SCOC: variants seen among roughly 807,000 people sequenced by gnomAD.
SCOC encodes short coiled-coil protein.
SCOC carries 7 observed loss-of-function variants against 9.9 expected under a neutral mutation model. The observed-to-expected ratio is 0.71, with a 90% confidence interval of 0.40 to 1.33. SCOC has a LOEUF of 1.33. Among genes scored for constraint, SCOC ranks in the 40% most tolerant of loss-of-function variants. SCOC has a pLI of 0.01. For synonymous variants in SCOC, 19 were observed against 28.2 expected, an observed-to-expected ratio of 0.67 and a Z score of 1.03; for missense variants, 66 against 89.7, an observed-to-expected ratio of 0.74 and a Z score of 1.07.
At chr4:140,287,629 C>G (rs931642260) in intron 1 of SCOC, among the ~76,000 whole-genome samples, 2 of 152,176 alleles carry the variant, frequency 1.3e-5, no homozygotes, top group Non-Finnish European at 2.9e-5. Context: ...CATGCATATG[C>G]ACATGCCACA....
chr4:140,373,527 C>T (rs1210653967), upstream of SCOC: 6 of 1,551,544 alleles, frequency 3.9e-6, no homozygotes, highest in East Asian at 9.8e-5. Context: ...TGGGGTGAGG[C>T]GGGCAGCTAA....
intron 1 of SCOC, among the ~76,000 whole-genome samples, chr4:140,294,708 A>G (rs772968187): frequency 1.3e-5 from 2 of 152,298 alleles, no homozygotes; most frequent in Non-Finnish European, 2.9e-5. Context: ...TGGGATTTCA[A>G]GGTTAGAAAG....
intron 1 of SCOC, among the ~76,000 whole-genome samples, chr4:140,298,483 T>G (rs1472156487): frequency 6.6e-6 from 1 of 152,256 alleles, no homozygotes; most frequent in Non-Finnish European, 1.5e-5. Flanking sequence ...TCCTTCCTTC[T>G]GCAGGCAGAA....
intron 1 of SCOC, among the ~76,000 whole-genome samples, chr4:140,260,142 A>G (rs963365733): frequency 6.6e-6 from 1 of 152,206 alleles, no homozygotes; most frequent in Admixed American, 6.5e-5. Context: ...CCTAACTTTC[A>G]TATGCATACC....
chr4:140,270,465 C>T (rs1206555484), intron 1 of SCOC, among the ~76,000 whole-genome samples: 1 of 152,150 alleles, frequency 6.6e-6, no homozygotes, highest in Non-Finnish European at 1.5e-5. Context: ...TCCCTAGTAG[C>T]TGGGACTGCA....
chr4:140,367,269 G>C (rs1466046719), intron 2 of SCOC, among the ~76,000 whole-genome samples: 3 of 151,948 alleles, frequency 2.0e-5, no homozygotes. Context: ...AAAAATATTA[G>C]TTATCACTGT....
chr4:140,270,311 T>C (rs1305640858), intron 1 of SCOC, among the ~76,000 whole-genome samples: 1 of 151,994 alleles, frequency 6.6e-6, no homozygotes, highest in East Asian at 1.9e-4. Flanking sequence ...TTGGAATTTG[T>C]TAGGGTTATT....
intron 3 of SCOC, among the ~76,000 whole-genome samples, chr4:140,380,618 T>C (rs567943822): frequency 6.6e-6 from 1 of 152,352 alleles, no homozygotes; most frequent in South Asian, 2.1e-4. Flanking sequence ...TGAATTCAGT[T>C]GTGTTAACCT....
intron 2 of SCOC, chr4:140,366,449 G>A: frequency 6.6e-7 from 1 of 1,517,850 alleles, no homozygotes; most frequent in Non-Finnish European, 9.0e-7. Context: ...TGCTTTTTTG[G>A]GAGAAGCTTT....
At chr4:140,347,852 T>TAA (rs1726807527) in intron 2 of SCOC, among the ~76,000 whole-genome samples, 1 of 152,216 alleles carries the variant, frequency 6.6e-6, no homozygotes, top group Non-Finnish European at 1.5e-5. Flanking sequence ...CTTACTATGG[T>TAA]TTATTTCACA....
intron 1 of SCOC, among the ~76,000 whole-genome samples, chr4:140,295,660 C>T (rs1332355091): frequency 6.6e-6 from 1 of 152,044 alleles, no homozygotes; most frequent in East Asian, 1.9e-4. Context: ...TCACCTGGAG[C>T]GAAGGGCGCG....
chr4:140,297,270 G>C (rs1425659915), intron 1 of SCOC, among the ~76,000 whole-genome samples: 3 of 5,236 alleles, frequency 5.7e-4, no homozygotes, highest in African/African-American at 2.8e-3. Flanking sequence ...TGGTGACTGT[G>C]GGGGGGGGGG....
intron 1 of SCOC, among the ~76,000 whole-genome samples, chr4:140,300,976 C>T (rs1731794397): frequency 6.6e-6 from 1 of 152,186 alleles, no homozygotes; most frequent in Non-Finnish European, 1.5e-5. Flanking sequence ...AGGCAGCCAT[C>T]TTCTTAACAT....
At chr4:140,297,013 T>A (rs1321886020) in intron 1 of SCOC, among the ~76,000 whole-genome samples, 1 of 152,194 alleles carries the variant, frequency 6.6e-6, no homozygotes, top group East Asian at 1.9e-4. Flanking sequence ...TGCAGCCTCA[T>A]CGCACAAAAG....
At chr4:140,347,718 A>G (rs569827144) in intron 2 of SCOC, among the ~76,000 whole-genome samples, 1 of 152,334 alleles carries the variant, frequency 6.6e-6, no homozygotes, top group East Asian at 1.9e-4. Flanking sequence ...TATGTGGGAA[A>G]GGGGCAATGG....
At chr4:140,314,783 T>C (rs187505400) in intron 1 of SCOC, among the ~76,000 whole-genome samples, 1 of 152,242 alleles carries the variant, frequency 6.6e-6, no homozygotes, top group East Asian at 1.9e-4. Flanking sequence ...AATGAGAAGT[T>C]GGCCTCAGAA....
At chr4:140,353,435 G>A (rs1277964373) in intron 2 of SCOC, among the ~76,000 whole-genome samples, 3 of 145,656 alleles carry the variant, frequency 2.1e-5, no homozygotes, top group East Asian at 4.0e-4. Flanking sequence ...TTTTTGAGAC[G>A]AAGTCTCTCT....
chr4:140,337,054 A>G (rs927271786), intron 1 of SCOC, among the ~76,000 whole-genome samples: 1 of 152,110 alleles, frequency 6.6e-6, no homozygotes, highest in Non-Finnish European at 1.5e-5. Flanking sequence ...GGAAATGTCT[A>G]TTTAAATTCC....
At chr4:140,272,843 C>A (rs551612524) in intron 1 of SCOC, among the ~76,000 whole-genome samples, 1 of 152,180 alleles carries the variant, frequency 6.6e-6, no homozygotes, top group Admixed American at 6.5e-5. Flanking sequence ...AGGCTCCGGT[C>A]TTCACTCTGC....
Sources: allele counts gnomAD v4.1 joint callset (sites outside exome capture counted in the v4.1 genomes callset), GRCh38; gene constraint gnomAD v4.1.1; transcripts MANE v1.5; gene names NCBI Gene and HGNC (gene_info 2026-07-23, HGNC 2026-07-21).